The following GALNTL6 variants were observed in gnomAD, a reference collection of about 807,000 sequenced individuals.
The protein encoded by GALNTL6 is polypeptide N-acetylgalactosaminyltransferase like 6, also known as polypeptide N-acetylgalactosaminyltransferase-like 6.
Under a neutral mutation model 73.7 loss-of-function variants are expected in GALNTL6, and 46 were observed. That is an observed-to-expected ratio of 0.62 (90% CI 0.49 to 0.80). GALNTL6 has a LOEUF of 0.80. Among genes scored for constraint, GALNTL6 ranks in the 30% least tolerant of loss-of-function variants. The probability of loss-of-function intolerance (pLI) is 0.00; values close to 1 mark genes in which losing one functional copy is unlikely to be tolerated. For missense variants in GALNTL6, 604 were observed against 755.0 expected (o/e 0.80, Z 2.34); for synonymous variants, 259 against 263.7 (o/e 0.98, Z 0.17).
At chr4:171,887,799 A>C (rs1252521677) in intron 2 of GALNTL6, among the ~76,000 whole-genome samples, 1 of 152,194 alleles carries the variant, frequency 6.6e-6, no homozygotes, top group Admixed American at 6.5e-5. Flanking sequence ...AGTAACATAT[A>C]ATTCTTTTCT....
intron 5 of GALNTL6, among the ~76,000 whole-genome samples, chr4:172,499,595 A>C (rs1413454383): frequency 6.6e-6 from 1 of 152,220 alleles, no homozygotes; most frequent in East Asian, 1.9e-4. Flanking sequence ...TAAAGCAGGA[A>C]AGTAACTTGA....
intron 5 of GALNTL6, among the ~76,000 whole-genome samples, chr4:172,523,912 A>T (rs1734866652): frequency 6.6e-6 from 1 of 152,194 alleles, no homozygotes; most frequent in African/African-American, 2.4e-5. Context: ...AAAAAGAACT[A>T]TCAGGTAAAC....
At chr4:171,827,224 A>G (rs1008178929) in intron 2 of GALNTL6, among the ~76,000 whole-genome samples, 4 of 152,146 alleles carry the variant, frequency 2.6e-5, no homozygotes, top group African/African-American at 4.8e-5. Context: ...CATTACAAGG[A>G]AGATTACTTT....
intron 2 of GALNTL6, among the ~76,000 whole-genome samples, chr4:172,187,265 G>A (rs912319274): frequency 1.3e-5 from 2 of 151,952 alleles, no homozygotes; most frequent in Non-Finnish European, 2.9e-5. Flanking sequence ...GCATCTATCA[G>A]GGTAAATGTT....
intron 11 of GALNTL6, among the ~76,000 whole-genome samples, chr4:173,010,407 C>T (rs186374208): frequency 6.6e-6 from 1 of 152,212 alleles, no homozygotes; most frequent in Admixed American, 6.5e-5. Context: ...TTTATTCATT[C>T]ATCTATTGAT....
At chr4:171,986,294 G>T (rs61032972) in intron 2 of GALNTL6, among the ~76,000 whole-genome samples, 45,510 of 151,040 alleles carry the variant, frequency 0.3, 6,901 homozygotes, top group African/African-American at 0.32. Flanking sequence ...TTCTCTGGCG[G>T]GCAGAGTGGG....
intron 2 of GALNTL6, among the ~76,000 whole-genome samples, chr4:172,207,130 G>C (rs904463584): frequency 1.3e-5 from 2 of 152,136 alleles, no homozygotes; most frequent in East Asian, 3.9e-4. Context: ...TTTAATAAAT[G>C]GGAGAGTCTT....
chr4:172,675,208 A>C (rs1388882844), intron 5 of GALNTL6, among the ~76,000 whole-genome samples: 1 of 152,152 alleles, frequency 6.6e-6, no homozygotes, highest in Non-Finnish European at 1.5e-5. Context: ...AATTCAGCCA[A>C]CTGGCTTCAT....
intron 2 of GALNTL6, among the ~76,000 whole-genome samples, chr4:171,816,973 C>A (rs1270030579): frequency 1.3e-5 from 2 of 151,952 alleles, no homozygotes; most frequent in Admixed American, 6.6e-5. Context: ...AGCAAGGTGG[C>A]TAAACACATA....
chr4:172,980,313 G>T lies in GALNTL6; in HGVS notation c.1371+28055G>T, dbSNP rs373878365. Reference sequence around the variant, plus strand: ...TTTAAATTTGCCATTTTAATCAGTGGCATACCAGTACAGTGACATTAGCAT... The same window carrying T: ...TTTAAATTTGCCATTTTAATCAGTGTCATACCAGTACAGTGACATTAGCAT... On this transcript the variant is annotated intron_variant, in intron 10 of 12. Coordinates refer to ENST00000506823, the MANE Select transcript of GALNTL6 (RefSeq NM_001034845.3). Among the ~76,000 whole-genome samples the T allele has an allele frequency of 1.1e-4, 16 of 152,224 alleles. No homozygotes were observed. In the South Asian group the frequency reaches 2.1e-3, roughly 20 times the overall value.
At chr4:171,879,106 C>A (rs1054767275) in intron 2 of GALNTL6, among the ~76,000 whole-genome samples, 1 of 152,030 alleles carries the variant, frequency 6.6e-6, no homozygotes, top group Non-Finnish European at 1.5e-5. Context: ...CAAACTAATA[C>A]CGTATTGAAG....
intron 9 of GALNTL6, among the ~76,000 whole-genome samples, chr4:172,938,780 T>G (rs567632362): frequency 6.6e-6 from 1 of 152,248 alleles, no homozygotes; most frequent in African/African-American, 2.4e-5. Flanking sequence ...TATCATGGGT[T>G]TTCTCCCAAA....
At chr4:172,690,308 A>G (rs1579343004) in intron 5 of GALNTL6, among the ~76,000 whole-genome samples, 1 of 152,320 alleles carries the variant, frequency 6.6e-6, no homozygotes, top group Admixed American at 6.5e-5. Flanking sequence ...CCTTCCAGAA[A>G]AAAAATTCTT....
intron 5 of GALNTL6, among the ~76,000 whole-genome samples, chr4:172,603,143 G>A (rs1295876389): frequency 6.6e-6 from 1 of 152,152 alleles, no homozygotes; most frequent in Non-Finnish European, 1.5e-5. Flanking sequence ...TGATGGAAAT[G>A]TTTATCATCT....
chr4:172,240,003 A>C (rs964342452), intron 3 of GALNTL6, among the ~76,000 whole-genome samples: 2 of 152,076 alleles, frequency 1.3e-5, no homozygotes, highest in Non-Finnish European at 2.9e-5. Flanking sequence ...TTTTGCTTTC[A>C]TGTTGACCTT....
At chr4:171,926,810 C>G (rs768236379) in intron 2 of GALNTL6, among the ~76,000 whole-genome samples, 3 of 152,026 alleles carry the variant, frequency 2.0e-5, no homozygotes, top group Non-Finnish European at 4.4e-5. Flanking sequence ...TATATGTTTT[C>G]CTTCCTGATT....
chr4:172,222,774 A>G (rs1255696484), intron 2 of GALNTL6, among the ~76,000 whole-genome samples: 13 of 152,098 alleles, frequency 8.5e-5, no homozygotes, highest in Non-Finnish European at 1.2e-4. Context: ...TATAAATACA[A>G]AGGATAAATT....
intron 5 of GALNTL6, among the ~76,000 whole-genome samples, chr4:172,368,713 T>C (rs1458322882): frequency 6.6e-6 from 1 of 151,420 alleles, no homozygotes; most frequent in East Asian, 2.0e-4. Context: ...TTCCTTCAGA[T>C]GTTCAGATGT....
At chr4:172,709,331 G>A (rs536159336) in intron 5 of GALNTL6, among the ~76,000 whole-genome samples, 18 of 152,268 alleles carry the variant, frequency 1.2e-4, no homozygotes, top group African/African-American at 4.3e-4. Flanking sequence ...ATGGAAGCAG[G>A]GAAAAAGAAG....
Sources: gnomAD v4.1 joint callset for allele counts (sites outside exome capture counted in the v4.1 genomes callset) on GRCh38, gnomAD v4.1.1 for gene constraint, MANE v1.5 for transcripts, NCBI Gene and HGNC (gene_info 2026-07-23, HGNC 2026-07-21) for gene names.